The following LRRC37A2 variants were observed in gnomAD, a reference collection of about 807,000 sequenced individuals.
LRRC37A2 encodes the protein leucine-rich repeat-containing protein 37A2.
In LRRC37A2, 9 loss-of-function variants were observed where a neutral mutation model predicts 68.8. The ratio of observed to expected loss-of-function variants is 0.13; its 90% confidence interval spans 0.08 to 0.23. The LOEUF is 0.23. Ranked by LOEUF, LRRC37A2 falls within the 10% of genes least tolerant of loss-of-function variation. LRRC37A2 has a pLI of 1.00. For missense variants in LRRC37A2, 168 were observed against 950.4 expected (o/e 0.18, Z 10.82); for synonymous variants, 63 against 367.6 (o/e 0.17, Z 9.48).
chr17:47,006,319 T>G, the LRRC37A2 span, among the ~76,000 whole-genome samples: 3 of 152,098 alleles, frequency 2.0e-5, no homozygotes, highest in South Asian at 6.2e-4. Context: ...TAAAATAAAT[T>G]AATTAATTAA....
the LRRC37A2 span, among the ~76,000 whole-genome samples, chr17:46,718,781 A>G: frequency 1.2e-4 from 18 of 152,216 alleles, no homozygotes; most frequent in Admixed American, 7.8e-4. Flanking sequence ...ATTAGATGGT[A>G]ATTTCTGTAA....
the LRRC37A2 span, among the ~76,000 whole-genome samples, chr17:46,824,576 T>C: frequency 7.2e-5 from 11 of 152,246 alleles, no homozygotes; most frequent in Non-Finnish European, 1.6e-4. Context: ...AGCAGACATA[T>C]CTGCTCAGTT....
chr17:46,919,971 A>G, the LRRC37A2 span, among the ~76,000 whole-genome samples: 3 of 152,004 alleles, frequency 2.0e-5, no homozygotes, highest in Non-Finnish European at 2.9e-5. Flanking sequence ...AAGAAAGAAA[A>G]AAAAATTCCT....
At chr17:46,923,011 G>A in the LRRC37A2 span, 3 of 633,080 alleles carry the variant, frequency 4.7e-6, no homozygotes, top group Non-Finnish European at 8.5e-6. Flanking sequence ...TCCGTCGCCG[G>A]CCTCATTTCT....
the LRRC37A2 span, among the ~76,000 whole-genome samples, chr17:47,041,452 CTTT>C: frequency 1.6e-3 from 58 of 36,458 alleles, no homozygotes; most frequent in East Asian, 0.024. Context: ...TTGGATGTCT[CTTT>C]TTTTTTTTTT....
chr17:46,526,003 TAAAC>T (rs1350297798), intron 6 of LRRC37A2, among the ~76,000 whole-genome samples: 3 of 82,048 alleles, frequency 3.7e-5, no homozygotes, highest in South Asian at 6.2e-4. Flanking sequence ...GTGTTCATCT[TAAAC>T]AACAGAAAAA....
At chr17:46,916,338 C>T in the LRRC37A2 span, among the ~76,000 whole-genome samples, 1 of 152,188 alleles carries the variant, frequency 6.6e-6, no homozygotes. Context: ...TCTTGCTCCA[C>T]CCATGGGCCC....
the LRRC37A2 span, chr17:46,938,478 G>A: frequency 2.9e-5 from 43 of 1,484,638 alleles, no homozygotes; most frequent in Admixed American, 7.1e-4. Flanking sequence ...ATTGCTTTCT[G>A]TGTATTCTGG....
chr17:46,492,196 C>A, the LRRC37A2 span, among the ~76,000 whole-genome samples: 1 of 151,444 alleles, frequency 6.6e-6, no homozygotes, highest in Non-Finnish European at 1.5e-5. Context: ...AACTCCTGAC[C>A]TCAGGTAATC....
At chr17:46,923,350 A>G in the LRRC37A2 span, 1 of 1,518,174 alleles carries the variant, frequency 6.6e-7, no homozygotes, top group Non-Finnish European at 8.8e-7. Context: ...ACTGCTGGGG[A>G]TGCCTCCGAA....
the LRRC37A2 span, among the ~76,000 whole-genome samples, chr17:46,760,633 C>CAAAAAAAAAAAAA: frequency 1.6e-5 from 1 of 61,258 alleles, no homozygotes. Flanking sequence ...GACCCTATCT[C>CAAAAAAAAAAAAA]AAAAAAAAAA....
At chr17:47,021,928 A>G in the LRRC37A2 span, 2 of 1,514,768 alleles carry the variant, frequency 1.3e-6, no homozygotes, top group Non-Finnish European at 1.8e-6. Flanking sequence ...AACTGTGAGT[A>G]TATTCTCTCC....
At chr17:46,959,994 A>G in the LRRC37A2 span, among the ~76,000 whole-genome samples, 1 of 152,240 alleles carries the variant, frequency 6.6e-6, no homozygotes, top group Non-Finnish European at 1.5e-5. Flanking sequence ...CCTCAGCAGT[A>G]GAGTCCAGAA....
chr17:46,492,171 G>A, the LRRC37A2 span, among the ~76,000 whole-genome samples: 4 of 151,578 alleles, frequency 2.6e-5, no homozygotes, highest in East Asian at 7.8e-4. Context: ...CACCATGTTG[G>A]CCAGGCTGGT....
chr17:46,917,973 T>C, the LRRC37A2 span, among the ~76,000 whole-genome samples: 1 of 152,340 alleles, frequency 6.6e-6, no homozygotes, highest in Admixed American at 6.5e-5. Flanking sequence ...CATGCACTTA[T>C]TAGACAATAA....
At chr17:46,731,819 A>G in the LRRC37A2 span, among the ~76,000 whole-genome samples, 1 of 152,226 alleles carries the variant, frequency 6.6e-6, no homozygotes, top group East Asian at 1.9e-4. Flanking sequence ...CCTGCAGTAT[A>G]CATGAATCAG....
At chr17:46,905,323 G>T in the LRRC37A2 span, among the ~76,000 whole-genome samples, 1 of 152,114 alleles carries the variant, frequency 6.6e-6, no homozygotes, top group Non-Finnish European at 1.5e-5. Flanking sequence ...TAATCCACCT[G>T]CCTCGGCCTC....
At chr17:46,745,205 G>A in the LRRC37A2 span, among the ~76,000 whole-genome samples, 1 of 152,176 alleles carries the variant, frequency 6.6e-6, no homozygotes, top group African/African-American at 2.4e-5. Flanking sequence ...CCCTTCAGAC[G>A]AATCCCATGC....
the LRRC37A2 span, among the ~76,000 whole-genome samples, chr17:46,985,992 C>T: frequency 3.0e-4 from 45 of 152,302 alleles, no homozygotes; most frequent in South Asian, 8.5e-3. Context: ...TTAATACCTA[C>T]GTTCTCCAAA....
Sources: allele counts gnomAD v4.1 joint callset (sites outside exome capture counted in the v4.1 genomes callset), GRCh38; gene constraint gnomAD v4.1.1; transcripts MANE v1.5; gene names NCBI Gene and HGNC (gene_info 2026-07-23, HGNC 2026-07-21).